RBFOX1: variants seen among roughly 807,000 people sequenced by gnomAD.
RBFOX1 encodes RNA binding fox-1 homolog 1, also known as RNA binding protein fox-1 homolog 1.
Under a neutral mutation model 57.7 loss-of-function variants are expected in RBFOX1, and 8 were observed. The ratio of observed to expected loss-of-function variants is 0.14; its 90% CI spans 0.08 to 0.25. RBFOX1 has a LOEUF of 0.25. Among genes scored for constraint, RBFOX1 ranks in the 10% least tolerant of loss-of-function variants. The pLI, the probability that RBFOX1 is intolerant of heterozygous loss-of-function variation, is 1.00. For missense variants in RBFOX1, 611 were observed against 548.5 expected, an observed-to-expected ratio of 1.11 and a Z score of -1.14; for synonymous variants, 326 against 222.4, an observed-to-expected ratio of 1.47 and a Z score of -4.15.
At chr16:6,477,731 A>G (rs547800040) in intron 2 of RBFOX1, among the ~76,000 whole-genome samples, 2 of 152,308 alleles carry the variant, frequency 1.3e-5, no homozygotes, top group African/African-American at 2.4e-5. Context: ...ACTTCTTTCT[A>G]TGAAAGTTAT....
At position 6,853,378 on chromosome 16, in the gene RBFOX1, A is replaced by G. The variant is rs964546821; in HGVS notation, c.-15-198679A>G. On this transcript the variant is annotated intron_variant, in intron 3 of 15. Transcript: ENST00000550418. The stretch of plus-strand genomic sequence containing the variant: ...GTAGCATACCCTAAGGGTTGGCTGC[A>G]TAACGTTGAATTTTAGTTCGCAGAG... Among the ~76,000 whole-genome samples the G allele has an allele frequency of 4.9e-4, 74 of 152,298 alleles. 1 individual carries two copies. The highest frequency in any genetic ancestry group is 1.7e-3 in the African/African-American group (70 of 41,572).
intron 3 of RBFOX1, among the ~76,000 whole-genome samples, chr16:5,673,638 G>T (rs958979530): frequency 6.6e-6 from 1 of 152,198 alleles, no homozygotes; most frequent in Non-Finnish European, 1.5e-5. Flanking sequence ...ATCTTTGGGG[G>T]AAGCCCACAT....
At chr16:5,660,382 G>T (rs192827717) in intron 3 of RBFOX1, among the ~76,000 whole-genome samples, 2 of 152,218 alleles carry the variant, frequency 1.3e-5, no homozygotes, top group Admixed American at 1.3e-4. Flanking sequence ...GACTATGAAG[G>T]GGTCTTTGGC....
At chr16:7,197,348 C>T (rs1315942808) in intron 4 of RBFOX1, among the ~76,000 whole-genome samples, 1 of 151,582 alleles carries the variant, frequency 6.6e-6, no homozygotes, top group Non-Finnish European at 1.5e-5. Flanking sequence ...TCTTGGGAAT[C>T]CCAGAGCTTC....
intron 14 of RBFOX1, among the ~76,000 whole-genome samples, chr16:7,707,289 C>G (rs536691761): frequency 6.6e-6 from 1 of 152,244 alleles, no homozygotes; most frequent in East Asian, 1.9e-4. Flanking sequence ...GGTCCATCAT[C>G]ACGCTTTCTT....
intron 3 of RBFOX1, among the ~76,000 whole-genome samples, chr16:6,743,790 A>C (rs1005432922): frequency 3.4e-5 from 5 of 147,808 alleles, no homozygotes; most frequent in African/African-American, 7.6e-5. Flanking sequence ...AAATAAATAA[A>C]TAAATGTTCA....
intron 1 of RBFOX1, among the ~76,000 whole-genome samples, chr16:5,462,150 G>A (rs2068807577): frequency 6.7e-6 from 1 of 148,698 alleles, no homozygotes; most frequent in South Asian, 2.1e-4. Context: ...GAAACCCAGC[G>A]AGTTTCTTTC....
At chr16:6,665,169 G>C (rs2098723945) in intron 3 of RBFOX1, among the ~76,000 whole-genome samples, 3 of 152,206 alleles carry the variant, frequency 2.0e-5, no homozygotes, top group Admixed American at 1.3e-4. Context: ...GTGGAGAAAA[G>C]GCGCTTCTTT....
At chr16:7,187,337 G>C (rs1000252552) in intron 4 of RBFOX1, among the ~76,000 whole-genome samples, 3 of 151,732 alleles carry the variant, frequency 2.0e-5, no homozygotes, top group African/African-American at 7.3e-5. Context: ...AGAGATTATC[G>C]ATCACTTAAA....
intron 4 of RBFOX1, among the ~76,000 whole-genome samples, chr16:5,893,716 G>C (rs947782654): frequency 6.6e-6 from 1 of 151,754 alleles, no homozygotes; most frequent in Non-Finnish European, 1.5e-5. Context: ...TGAGACATAA[G>C]AATTGCTTGA....
intron 3 of RBFOX1, among the ~76,000 whole-genome samples, chr16:6,779,945 A>T (rs867441074): frequency 8.4e-4 from 29 of 34,634 alleles, no homozygotes; most frequent in African/African-American, 2.5e-3. Flanking sequence ...ATTTATATAT[A>T]TTTATATATT....
chr16:5,578,099 G>C (rs1360967639), intron 2 of RBFOX1, among the ~76,000 whole-genome samples: 1 of 152,098 alleles, frequency 6.6e-6, no homozygotes, highest in African/African-American at 2.4e-5. Context: ...CTACAGGTGC[G>C]TGCCACCACA....
intron 2 of RBFOX1, among the ~76,000 whole-genome samples, chr16:6,459,787 G>C (rs2094867503): frequency 6.6e-6 from 1 of 151,578 alleles, no homozygotes; most frequent in Non-Finnish European, 1.5e-5. Context: ...GACCAGCCTG[G>C]CCAACATGGA....
At chr16:5,571,521 T>A (rs1391733638) in intron 2 of RBFOX1, among the ~76,000 whole-genome samples, 1 of 152,164 alleles carries the variant, frequency 6.6e-6, no homozygotes, top group Non-Finnish European at 1.5e-5. Context: ...AACTCAGCAT[T>A]CCACTGAAGG....
At chr16:7,688,080 C>T (rs1045905331) in intron 14 of RBFOX1, among the ~76,000 whole-genome samples, 6 of 152,122 alleles carry the variant, frequency 3.9e-5, no homozygotes, top group Admixed American at 1.3e-4. Context: ...GCCTTATAAA[C>T]AACAGATATC....
At chr16:7,194,169 C>T (rs572298762) in intron 4 of RBFOX1, among the ~76,000 whole-genome samples, 1 of 152,176 alleles carries the variant, frequency 6.6e-6, no homozygotes, top group Non-Finnish European at 1.5e-5. Context: ...AAACATCTCT[C>T]TAATACTTTG....
chr16:6,930,964 T>C (rs2076411747), intron 3 of RBFOX1, among the ~76,000 whole-genome samples: 1 of 152,106 alleles, frequency 6.6e-6, no homozygotes, highest in Admixed American at 6.6e-5. Flanking sequence ...CCCACCCCCC[T>C]ACACACATAC....
chr16:7,540,041 A>T (rs2082511708), intron 5 of RBFOX1, among the ~76,000 whole-genome samples: 1 of 152,206 alleles, frequency 6.6e-6, no homozygotes, highest in African/African-American at 2.4e-5. Flanking sequence ...TGTAGCTGCC[A>T]CTACTTCTAT....
At chr16:7,574,496 C>G (rs1313290965) in intron 5 of RBFOX1, among the ~76,000 whole-genome samples, 1 of 152,052 alleles carries the variant, frequency 6.6e-6, no homozygotes, top group Non-Finnish European at 1.5e-5. Flanking sequence ...AGTCTGTGGT[C>G]GAAGGTCCAA....
Sources: gnomAD v4.1 joint callset for allele counts (sites outside exome capture counted in the v4.1 genomes callset) on GRCh38, gnomAD v4.1.1 for gene constraint, MANE v1.5 for transcripts, NCBI Gene and HGNC (gene_info 2026-07-23, HGNC 2026-07-21) for gene names.